Variants in CNTNAP2 observed in about 807,000 individuals in gnomAD.
CNTNAP2 encodes contactin associated protein 2.
In CNTNAP2, 98 loss-of-function variants were observed where a neutral mutation model predicts 155.2. The observed-to-expected ratio is 0.63, with a 90% CI of 0.54 to 0.75. The LOEUF (loss-of-function observed/expected upper bound fraction) is 0.75. CNTNAP2 is among the 30% of genes least tolerant of loss of function. The probability of loss-of-function intolerance (pLI) is 0.00; values close to 1 mark genes in which losing one functional copy is unlikely to be tolerated. For missense variants in CNTNAP2, 1,727 were observed against 1,688.1 expected (o/e 1.02, Z -0.40); for synonymous variants, 651 against 631.2 (o/e 1.03, Z -0.47).
At chr7:148,074,532 A>G (rs1803443136) in intron 15 of CNTNAP2, among the ~76,000 whole-genome samples, 1 of 152,056 alleles carries the variant, frequency 6.6e-6, no homozygotes, top group African/African-American at 2.4e-5. Flanking sequence ...TCTACTAAAA[A>G]TACAAAAATT....
intron 1 of CNTNAP2, among the ~76,000 whole-genome samples, chr7:146,164,771 A>C (rs1011750349): frequency 2.0e-5 from 3 of 152,096 alleles, no homozygotes; most frequent in Non-Finnish European, 4.4e-5. Flanking sequence ...AAAATGCGTC[A>C]TACATTTTAA....
intron 11 of CNTNAP2, among the ~76,000 whole-genome samples, chr7:147,536,737 T>C (rs189106125): frequency 6.6e-6 from 1 of 152,310 alleles, no homozygotes; most frequent in African/African-American, 2.4e-5. Flanking sequence ...TACCTCCCTC[T>C]CTGCCATCAG....
intron 1 of CNTNAP2, among the ~76,000 whole-genome samples, chr7:146,309,081 G>A (rs1420364416): frequency 6.6e-6 from 1 of 152,122 alleles, no homozygotes. Flanking sequence ...TTGAGTGCAG[G>A]TGGGAGAACT....
chr7:147,544,024 A>G (rs887530135), intron 11 of CNTNAP2, among the ~76,000 whole-genome samples: 1 of 152,182 alleles, frequency 6.6e-6, no homozygotes, highest in Non-Finnish European at 1.5e-5. Context: ...GTCATGGAAT[A>G]TTTATTCTAG....
intron 1 of CNTNAP2, among the ~76,000 whole-genome samples, chr7:146,530,348 A>C (rs2129139056): frequency 6.6e-6 from 1 of 152,346 alleles, no homozygotes; most frequent in Admixed American, 6.5e-5. Flanking sequence ...TGACATCAAA[A>C]GCAATGACAG....
At chr7:147,469,243 C>T (rs1798170272) in intron 10 of CNTNAP2, among the ~76,000 whole-genome samples, 1 of 152,114 alleles carries the variant, frequency 6.6e-6, no homozygotes, top group Admixed American at 6.6e-5. Context: ...AATGCCAGTT[C>T]AATTCCGTGT....
intron 4 of CNTNAP2, among the ~76,000 whole-genome samples, chr7:147,090,790 A>G (rs1399886359): frequency 2.6e-5 from 4 of 152,108 alleles, no homozygotes; most frequent in Admixed American, 2.6e-4. Context: ...GCTAATTTTG[A>G]TACTTTTCTT....
intron 8 of CNTNAP2, among the ~76,000 whole-genome samples, chr7:147,235,943 C>T (rs1172784182): frequency 2.6e-5 from 4 of 152,210 alleles, no homozygotes; most frequent in East Asian, 3.8e-4. Context: ...TGAATTCACA[C>T]AAGTACTTCC....
intron 1 of CNTNAP2, among the ~76,000 whole-genome samples, chr7:146,299,503 C>A (rs1314806041): frequency 2.0e-5 from 3 of 152,228 alleles, no homozygotes; most frequent in East Asian, 3.9e-4. Context: ...CCCATTTCAG[C>A]CTCTGAATAC....
chr7:146,333,486 T>G (rs1362181616), intron 1 of CNTNAP2, among the ~76,000 whole-genome samples: 1 of 152,214 alleles, frequency 6.6e-6, no homozygotes, highest in Non-Finnish European at 1.5e-5. Context: ...AAGAATTAAG[T>G]ATGTTAACTT....
chr7:147,807,361 G>C (rs1352170658), intron 13 of CNTNAP2, among the ~76,000 whole-genome samples: 1 of 120,244 alleles, frequency 8.3e-6, no homozygotes, highest in South Asian at 2.9e-4. Flanking sequence ...ACAAAAAAAA[G>C]AAGAGGAGGA....
At chr7:148,210,538 G>C (rs1795527838) in intron 18 of CNTNAP2, among the ~76,000 whole-genome samples, 1 of 152,228 alleles carries the variant, frequency 6.6e-6, no homozygotes, top group Admixed American at 6.5e-5. Context: ...GCTGATTGAT[G>C]TGTTTACAGT....
rs1797211627 is a variant in CNTNAP2 at position 147,756,173 on chromosome 7, A to G, written c.2098+116867A>G. ...AATTTTGTTCTGAAATATAATTTTC[A>G]GATATAGGTGTGCTTGCTGATAGTT... On this transcript the variant is annotated intron_variant, in intron 13 of 23. Coordinates refer to ENST00000361727, the MANE Select transcript of CNTNAP2 (RefSeq NM_014141.6). Among the ~76,000 whole-genome samples, 4 of 152,202 alleles carry G rather than the reference A, an allele frequency of 2.6e-5. No homozygotes were observed. In the South Asian group the frequency reaches 8.3e-4, roughly 32 times the overall value.
intron 21 of CNTNAP2, among the ~76,000 whole-genome samples, chr7:148,316,500 A>G (rs73466266): frequency 0.046 from 6,977 of 152,190 alleles, 545 homozygotes; most frequent in African/African-American, 0.16. Flanking sequence ...CGTGGTGCCT[A>G]ATGGGGATGT....
rs554788556 is a variant in CNTNAP2, at chr7:147,687,539, G to C, written c.2098+48233G>C. Among the ~76,000 whole-genome samples the C allele has an allele frequency of 1.0e-3, 154 of 152,212 alleles. 1 individual carries two copies. The highest frequency in any genetic ancestry group is 1.7e-3 in the Non-Finnish European group (116 of 67,988). On this transcript the variant is annotated intron_variant, in intron 13 of 23. Transcript: ENST00000361727. Reference sequence around the variant, plus strand: ...ATGAAATAGATGTCAGTAGTAGAAGGGCAGATGGCAACAGAGGCTCACATG... The same window carrying C: ...ATGAAATAGATGTCAGTAGTAGAAGCGCAGATGGCAACAGAGGCTCACATG...
At chr7:148,298,786 C>T (rs1311058134) in intron 21 of CNTNAP2, among the ~76,000 whole-genome samples, 1 of 152,092 alleles carries the variant, frequency 6.6e-6, no homozygotes, top group Non-Finnish European at 1.5e-5. Context: ...GAAGCCTCAA[C>T]CTCCTCAGCT....
At chr7:146,598,036 G>A (rs778304415) in intron 1 of CNTNAP2, among the ~76,000 whole-genome samples, 4 of 151,928 alleles carry the variant, frequency 2.6e-5, no homozygotes, top group African/African-American at 4.8e-5. Flanking sequence ...ACACTCACTT[G>A]GATAAACCTC....
chr7:147,284,636 C>G lies in CNTNAP2; in HGVS notation c.1349-15505C>G, dbSNP rs570031335. On this transcript the variant is annotated intron_variant, in intron 8 of 23. Transcript: ENST00000361727. ...ATTTAGTTTATAATCCACAAAAAGA[C>G]TTGGTAACATACATTTATATCCTAA... Among the ~76,000 whole-genome samples the G allele has an allele frequency of 6.6e-5, 10 of 151,990 alleles. No homozygotes were observed. The South Asian group carries it at 1.9e-3, about 28-fold the overall frequency.
chr7:146,444,731 C>T (rs754481760), intron 1 of CNTNAP2, among the ~76,000 whole-genome samples: 29 of 150,636 alleles, frequency 1.9e-4, no homozygotes, highest in Non-Finnish European at 3.2e-4. Flanking sequence ...GATCTCGGCT[C>T]ACTGCAACTT....
Sources: gnomAD v4.1 joint callset for allele counts (sites outside exome capture counted in the v4.1 genomes callset) on GRCh38, gnomAD v4.1.1 for gene constraint, MANE v1.5 for transcripts, NCBI Gene and HGNC (gene_info 2026-07-23, HGNC 2026-07-21) for gene names.